The following RNASEH2B variants were observed in gnomAD, a reference collection of about 807,000 sequenced individuals.
The protein encoded by RNASEH2B is ribonuclease H2 subunit B.
Under a neutral mutation model 45.0 loss-of-function variants are expected in RNASEH2B, and 36 were observed. That is an observed-to-expected ratio of 0.80 (90% CI 0.61 to 1.06). The LOEUF (loss-of-function observed/expected upper bound fraction) is 1.06. Among genes scored for constraint, RNASEH2B ranks in the 50% least tolerant of loss-of-function variants. The probability of loss-of-function intolerance (pLI) is 0.00; values close to 1 mark genes in which losing one functional copy is unlikely to be tolerated. For synonymous variants in RNASEH2B, 119 were observed against 125.7 expected, an observed-to-expected ratio of 0.95 and a Z score of 0.35; for missense variants, 361 against 360.3, an observed-to-expected ratio of 1.00 and a Z score of -0.02.
At position 50,956,418 on chromosome 13, in the gene RNASEH2B, A is replaced by T. The variant is rs1175751594; in HGVS notation, c.883A>T (p.Lys295Ter). 1 of 1,602,868 alleles carries T rather than the reference A, an allele frequency of 6.2e-7. No individual in the cohort carries two copies. Among genetic ancestry groups the T allele is most frequent in the Admixed American group, 1.7e-5 (1 of 59,338 alleles). Residue 295 changes from lysine to a stop codon, truncating the protein, a stop_gained, in exon 11 of 11, where the codon AAA becomes TAA. Transcript: ENST00000336617. LOFTEE classifies it high-confidence loss of function. ...GGCTAAAGTTGACAAGAGTGGAATG[A>T]AAAGTATTGATACCTTTTTTGGGGT... The part of the protein sequence containing the change: ...ALAKVDKSGM[K>*]SIDTFFGVKN...
At chr13:50,927,658 A>T (rs1481302482) in intron 2 of RNASEH2B, among the ~76,000 whole-genome samples, 180 bp downstream of exon 2, 1 of 152,216 alleles carries the variant, frequency 6.6e-6, no homozygotes, top group Admixed American at 6.5e-5. Flanking sequence ...TTTGACTTAA[A>T]CATTTTAAAA....
At chr13:50,967,094 T>A (rs1160214592) in intron 9 of RNASEH2B, among the ~76,000 whole-genome samples, 3 of 152,152 alleles carry the variant, frequency 2.0e-5, no homozygotes, top group Non-Finnish European at 4.4e-5. Context: ...ATCATCAAGA[T>A]TTTTTATGTC....
intron 5 of RNASEH2B, chr13:50,941,606 C>G (rs1254547460): frequency 6.6e-6 from 1 of 152,138 alleles, no homozygotes; most frequent in Non-Finnish European, 1.5e-5. Context: ...ATGAACATAA[C>G]TTCTAAAAGC....
In RNASEH2B at chr13:50,934,913, T is replaced by G; in HGVS notation, c.350T>G (p.Val117Gly). The change falls in exon 5 of 11, where the codon GTG (valine) becomes GGG (glycine). Residue 117 changes from valine (V) to glycine (G), a missense_variant. Val to Gly is a moderately radical substitution (Grantham distance 109). Coordinates refer to ENST00000336617, the MANE Select transcript of RNASEH2B (RefSeq NM_024570.4). ...EGKFQPLDQV[V>G]VDNVFPNCIL... ...AAGTTTCAGCCCCTTGATCAAGTTG[T>G]GGTGGATAACGTGTTTCCAAATTGC... The G allele has an allele frequency of 1.2e-6, 2 of 1,613,776 alleles. No homozygotes were observed. The highest frequency in any genetic ancestry group is 4.5e-5 in the East Asian group (2 of 44,876).
chr13:50,934,396 T>A (rs1380016934), intron 4 of RNASEH2B: 1 of 157,004 alleles, frequency 6.4e-6, no homozygotes, highest in Admixed American at 6.2e-5. Flanking sequence ...AGGGGTAGAT[T>A]CACTTTTGTA....
At chr13:50,956,176 C>A in intron 10 of RNASEH2B, 182 bp from the exon 11 acceptor site, 1 of 562,594 alleles carries the variant, frequency 1.8e-6, no homozygotes, top group Non-Finnish European at 3.2e-6. Context: ...TTAACATATT[C>A]TGTCTCTTAG....
At chr13:50,968,824 A>C (rs1330404704) in intron 9 of RNASEH2B, among the ~76,000 whole-genome samples, 1 of 152,190 alleles carries the variant, frequency 6.6e-6, no homozygotes, top group Non-Finnish European at 1.5e-5. Context: ...TTCATTAATA[A>C]ATGTTATTTT....
chr13:50,951,349 T>C (rs1951973380), intron 9 of RNASEH2B: 1 of 152,204 alleles, frequency 6.6e-6, no homozygotes, highest in Non-Finnish European at 1.5e-5. Flanking sequence ...TTCCAGGAAA[T>C]ATATTCCAGT....
intron 9 of RNASEH2B, among the ~76,000 whole-genome samples, chr13:50,968,966 T>G (rs1324531321): frequency 1.3e-5 from 2 of 152,200 alleles, no homozygotes. Context: ...AGAATACTTG[T>G]AAAATTAAAG....
At chr13:50,960,474 T>C (rs1477537577), downstream of RNASEH2B, among the ~76,000 whole-genome samples, 1 of 152,180 alleles carries the variant, frequency 6.6e-6, no homozygotes, top group Non-Finnish European at 1.5e-5. Context: ...GTTGCTAATA[T>C]GATAAAGACT....
chr13:50,970,451 C>T (rs575192646), exon 10 of RNASEH2B: 1 of 197,740 alleles, frequency 5.1e-6, no homozygotes, highest in African/African-American at 2.3e-5. Flanking sequence ...ACATTTCTTC[C>T]TTTTTAGAAG....
At position 50,910,088 on chromosome 13, in the gene RNASEH2B, C is replaced by T. The variant is rs1298581972; in HGVS notation, c.12C>T (p.Gly4=). The part of the protein sequence containing the change: MAA[G]VDCGDGVGAR... ...AAGAGGCGGGCGGCATGGCCGCTGG[C>T]GTGGACTGCGGGGACGGGGTTGGCG... is the stretch of plus-strand genomic sequence containing the variant. Residue 4 remains glycine (G), a synonymous_variant, in exon 1 of 11, where the codon GGC becomes GGT. Transcript: ENST00000336617. 6.8e-7 allele frequency: 1 copy of T among 1,463,934 alleles called. No individual in the cohort carries two copies. The highest frequency in any genetic ancestry group is 9.0e-7 in the Non-Finnish European group (1 of 1,111,394). 90.7% of individuals were successfully genotyped at this position (1,463,934 alleles called of 1,614,324 possible).
At chr13:50,926,676 A>G (rs1438698544) in intron 1 of RNASEH2B, among the ~76,000 whole-genome samples, 1 of 152,184 alleles carries the variant, frequency 6.6e-6, no homozygotes, top group African/African-American at 2.4e-5. Context: ...AATCTTAAGA[A>G]AAGGTCTTTC....
In RNASEH2B at chr13:50,953,971, T is replaced by C. The variant is rs775119865; in HGVS notation, c.808T>C (p.Leu270=). ...TTACACTAAGTTTAATACTAAAGAT[T>C]TGAAGACTGAAAAGGTATGTGGGTT... ...EDYTKFNTKD[L]KTEKKNSKMT... Residue 270 remains leucine (L), a synonymous_variant, in exon 10 of 11, where the codon TTG becomes CTG. Transcript: ENST00000336617. 1.3e-6 allele frequency: 2 copies of C among 1,599,374 alleles called. No individual in the cohort carries two copies. Among genetic ancestry groups the C allele is most frequent in the South Asian group, 1.1e-5 (1 of 90,752 alleles).
chr13:50,915,185 T>G (rs1879670670), intron 1 of RNASEH2B: 1 of 374,522 alleles, frequency 2.7e-6, no homozygotes, highest in Non-Finnish European at 4.7e-6. Flanking sequence ...CGAATAAAAG[T>G]CTCACATTCC....
chr13:50,924,166 T>C (rs796809661), intron 1 of RNASEH2B, among the ~76,000 whole-genome samples: 3 of 152,270 alleles, frequency 2.0e-5, no homozygotes, highest in African/African-American at 7.2e-5. Flanking sequence ...AAATCCTACC[T>C]TATCCTACCT....
chr13:50,937,144 C>G (rs1043465327), intron 5 of RNASEH2B: 2 of 152,018 alleles, frequency 1.3e-5, no homozygotes, highest in African/African-American at 4.8e-5. Context: ...AAATTCTTCC[C>G]TTAATAAGCT....
chr13:50,928,134 TTGAG>T (rs1951625324), intron 2 of RNASEH2B, among the ~76,000 whole-genome samples: 1 of 152,186 alleles, frequency 6.6e-6, no homozygotes, highest in South Asian at 2.1e-4. Flanking sequence ...ATTCTAAATA[TTGAG>T]TAATATGGGT....
At chr13:50,967,294 GT>G (rs1490148872) in intron 9 of RNASEH2B, among the ~76,000 whole-genome samples, 1 of 152,180 alleles carries the variant, frequency 6.6e-6, no homozygotes, top group Non-Finnish European at 1.5e-5. Flanking sequence ...CTCATACTGG[GT>G]TTTGGGGTGC....
Sources: gnomAD v4.1 joint callset for allele counts (sites outside exome capture counted in the v4.1 genomes callset) on GRCh38, gnomAD v4.1.1 for gene constraint, MANE v1.5 for transcripts, NCBI Gene and HGNC (gene_info 2026-07-23, HGNC 2026-07-21) for gene names.